ASXL1: variants seen among roughly 807,000 people sequenced by gnomAD.
ASXL1 encodes the protein ASXL transcriptional regulator 1.
In ASXL1, 65 loss-of-function variants were observed where a neutral mutation model predicts 89.1. The observed-to-expected ratio is 0.73, with a 90% CI of 0.60 to 0.90. ASXL1 has a LOEUF of 0.90. ASXL1 is among the 40% of genes least tolerant of loss of function. The pLI is 0.00. For missense variants in ASXL1, 1,786 were observed against 1,942.9 expected, an observed-to-expected ratio of 0.92 and a Z score of 1.52; for synonymous variants, 739 against 746.9, an observed-to-expected ratio of 0.99 and a Z score of 0.17.
At chr20:32,398,119 AC>A (rs903606946) in intron 4 of ASXL1, among the ~76,000 whole-genome samples, 3 of 152,254 alleles carry the variant, frequency 2.0e-5, no homozygotes, top group African/African-American at 7.2e-5. Flanking sequence ...TTAGAAAAAT[AC>A]ATTTAAAATT....
chr20:32,415,898 C>T (rs2049130004), intron 4 of ASXL1, among the ~76,000 whole-genome samples: 1 of 151,792 alleles, frequency 6.6e-6, no homozygotes, highest in Non-Finnish European at 1.5e-5. Flanking sequence ...CCCCAAATAC[C>T]ATTAAACAAA....
intron 4 of ASXL1, among the ~76,000 whole-genome samples, chr20:32,369,801 T>C (rs1364758740): frequency 7.0e-6 from 1 of 142,684 alleles, no homozygotes; most frequent in Non-Finnish European, 1.5e-5. Context: ...CGATCTCAGC[T>C]CATTGCACCC....
intron 4 of ASXL1, among the ~76,000 whole-genome samples, chr20:32,424,818 T>G (rs1163411082): frequency 6.6e-6 from 1 of 152,212 alleles, no homozygotes; most frequent in African/African-American, 2.4e-5. Flanking sequence ...ATTGTGGGAA[T>G]GTAATACAGT....
At chr20:32,361,304 A>T (rs1175971940) in intron 1 of ASXL1, among the ~76,000 whole-genome samples, 1 of 152,010 alleles carries the variant, frequency 6.6e-6, no homozygotes, top group African/African-American at 2.4e-5. Flanking sequence ...TGATTGTACC[A>T]CTGCACTCCA....
At chr20:32,375,189 G>C (rs1258962396) in intron 4 of ASXL1, among the ~76,000 whole-genome samples, 1 of 152,044 alleles carries the variant, frequency 6.6e-6, no homozygotes, top group Non-Finnish European at 1.5e-5. Flanking sequence ...GACATAGCCC[G>C]GCGCAGTGGC....
At chr20:32,380,369 A>G (rs543591060) in intron 4 of ASXL1, among the ~76,000 whole-genome samples, 227 of 152,320 alleles carry the variant, frequency 1.5e-3, no homozygotes, top group African/African-American at 4.6e-3. Flanking sequence ...GCAGTGGAGG[A>G]AGAGAGTGAG....
intron 1 of ASXL1, chr20:32,359,710 G>A (rs1324441255): frequency 2.8e-6 from 2 of 717,938 alleles, no homozygotes; most frequent in Non-Finnish European, 5.2e-6. Context: ...GCAAGGGAGA[G>A]CGTAACTTGA....
chr20:32,412,908 A>T (rs1262114894), intron 4 of ASXL1, among the ~76,000 whole-genome samples: 1 of 152,128 alleles, frequency 6.6e-6, no homozygotes, highest in Non-Finnish European at 1.5e-5. Flanking sequence ...GATACTATTA[A>T]CAAAATTATA....
At chr20:32,399,165 C>T (rs981649294) in intron 4 of ASXL1, among the ~76,000 whole-genome samples, 2 of 151,738 alleles carry the variant, frequency 1.3e-5, no homozygotes, top group Non-Finnish European at 2.9e-5. Flanking sequence ...TAGCCAAGAT[C>T]ATGCCACTGC....
Position 32,429,236 on chromosome 20 carries a change from A to G in ASXL1, c.472-102A>G, listed in dbSNP as rs893571372. 7.6e-6 allele frequency: 9 copies of G among 1,189,562 alleles called. No homozygotes were observed. The highest frequency in any genetic ancestry group is 1.1e-5 in the Non-Finnish European group (9 of 816,420). The allele number at this position is 1,189,562 out of a possible 1,614,324, so 73.7% of individuals were successfully genotyped here. On this transcript the variant is annotated intron_variant, in intron 6 of 12. Transcript: ENST00000375687. This position sits in a 1 kb window ranked among gnomAD's most constrained non-coding sequence, Gnocchi z 4.9. ...ATTTGACAGATCTGGTTGAAGACGA[A>G]CTTCATTTTACAAGAGCGTGAGTAG...
chr20:32,376,848 GATATATA>G (rs1288549826), intron 4 of ASXL1, among the ~76,000 whole-genome samples: 12 of 142,410 alleles, frequency 8.4e-5, no homozygotes, highest in East Asian at 2.0e-4. Context: ...TATCATGATA[GATATATA>G]ATATATAATT....
At chr20:32,373,115 G>A (rs892841825) in intron 4 of ASXL1, among the ~76,000 whole-genome samples, 25 of 149,978 alleles carry the variant, frequency 1.7e-4, no homozygotes, top group Non-Finnish European at 3.0e-4. Context: ...AGTGGCTCAC[G>A]CCTGTAATCC....
At chr20:32,359,042 C>CG (rs2048063147) in intron 1 of ASXL1, 3 of 608,886 alleles carry the variant, frequency 4.9e-6, no homozygotes, top group Non-Finnish European at 8.6e-6. Flanking sequence ...CTCGCCCTCG[C>CG]GCCCCCCCCG....
intron 4 of ASXL1, among the ~76,000 whole-genome samples, chr20:32,399,794 C>T (rs1473574201): frequency 9.2e-6 from 1 of 109,178 alleles, no homozygotes; most frequent in Non-Finnish European, 1.7e-5. Flanking sequence ...CTGAGTCTCA[C>T]TCTGTTGCCT....
At chr20:32,367,841 CTG>C (rs1452697501) in intron 3 of ASXL1, 112 bp downstream of exon 3, 1 of 758,860 alleles carries the variant, frequency 1.3e-6, no homozygotes, top group African/African-American at 1.7e-5. Flanking sequence ...GTGAGCAGCT[CTG>C]TAATTTGTAG....
chr20:32,426,550 C>G (rs6141717), intron 4 of ASXL1, among the ~76,000 whole-genome samples: 1 of 83,102 alleles, frequency 1.2e-5, no homozygotes, highest in East Asian at 5.4e-4. Flanking sequence ...TCTTTTTTTT[C>G]TTTCTTTTTT....
chr20:32,382,720 C>G (rs1450642958), intron 4 of ASXL1, among the ~76,000 whole-genome samples: 1 of 151,776 alleles, frequency 6.6e-6, no homozygotes, highest in Non-Finnish European at 1.5e-5. Flanking sequence ...TGGGAAGTTG[C>G]GACTGCAGTG....
chr20:32,364,132 C>T (rs62206875), intron 1 of ASXL1, among the ~76,000 whole-genome samples: 2,892 of 152,184 alleles, frequency 0.019, 89 homozygotes, highest in Admixed American at 0.084. Context: ...TGTTCTTTAC[C>T]GGTGGGCCAG....
intron 4 of ASXL1, among the ~76,000 whole-genome samples, chr20:32,412,746 TGGG>T (rs962893906): frequency 6.7e-6 from 1 of 149,426 alleles, no homozygotes; most frequent in African/African-American, 2.5e-5. Context: ...TTTGCAGACA[TGGG>T]GGTCTCACTA....
Sources: gnomAD v4.1 joint callset for allele counts (sites outside exome capture counted in the v4.1 genomes callset) on GRCh38, gnomAD v4.1.1 for gene constraint, Gnocchi (gnomAD v3.1) non-coding constraint, MANE v1.5 for transcripts, NCBI Gene and HGNC (gene_info 2026-07-23, HGNC 2026-07-21) for gene names.